SKP2: variants seen among roughly 807,000 people sequenced by gnomAD.
SKP2 encodes the protein S-phase kinase associated protein 2, also known as S-phase kinase-associated protein 2.
A neutral mutation model predicts 51.8 loss-of-function variants in SKP2; 16 were observed. The ratio of observed to expected loss-of-function variants is 0.31; its 90% CI spans 0.21 to 0.47. The LOEUF (loss-of-function observed/expected upper bound fraction) is 0.47. Ranked by LOEUF, SKP2 falls within the 20% of genes least tolerant of loss-of-function variation. The probability of loss-of-function intolerance (pLI) is 1.00; values close to 1 mark genes in which losing one functional copy is unlikely to be tolerated. For missense variants in SKP2, 377 were observed against 505.3 expected, an observed-to-expected ratio of 0.75 and a Z score of 2.43; for synonymous variants, 176 against 198.6, an observed-to-expected ratio of 0.89 and a Z score of 0.96.
intron 5 of SKP2, 93 bp downstream of exon 5, chr5:36,168,540 C>G (rs535600301): frequency 1.7e-6 from 2 of 1,197,008 alleles, no homozygotes; most frequent in Non-Finnish European, 1.2e-6. Flanking sequence ...CTAGCCATAT[C>G]CAGGTGGATA....
In SKP2 at chr5:36,166,749, A is replaced by C. The variant is rs16902765; in HGVS notation, c.536+87A>C. Reference sequence around the variant, plus strand: ...GCTTTTTTTTTTTTTTTCTTTCTTCAGCCTTAAAGCCTATGGTAGGTTATC... The same window carrying C: ...GCTTTTTTTTTTTTTTTCTTTCTTCCGCCTTAAAGCCTATGGTAGGTTATC... On this transcript the variant is annotated intron_variant, in intron 4 of 9. Coordinates refer to ENST00000274255, the MANE Select transcript of SKP2 (RefSeq NM_005983.4). 0.013 allele frequency: 14,910 copies of C among 1,151,474 alleles called. 1,442 individuals carry two copies. The African/African-American group carries it at 0.21, about 16-fold the overall frequency. The allele number at this position is 1,151,474 out of a possible 1,614,324, so 71.3% of individuals were successfully genotyped here. A position where few individuals can be genotyped will look rare whatever the true frequency, so the allele number is the denominator to read the frequency against.
At chr5:36,192,785 C>CA (rs1746065213) in intron 7 of SKP2, 1 of 152,184 alleles carries the variant, frequency 6.6e-6, no homozygotes, top group African/African-American at 2.4e-5. Context: ...TAATAATACA[C>CA]AGCAGTGGGG....
intron 2 of SKP2, among the ~76,000 whole-genome samples, chr5:36,156,329 T>C (rs988689035): frequency 1.4e-4 from 22 of 152,196 alleles, no homozygotes; most frequent in African/African-American, 5.3e-4. Context: ...AGGTGGCTAC[T>C]AGCTTTGCCA....
chr5:36,161,413 C>G (rs1388428232), intron 2 of SKP2, among the ~76,000 whole-genome samples: 1 of 151,888 alleles, frequency 6.6e-6, no homozygotes, highest in Non-Finnish European at 1.5e-5. Flanking sequence ...CACGGGAGGC[C>G]TTCTGTGGGA....
intron 2 of SKP2, among the ~76,000 whole-genome samples, chr5:36,160,827 C>T (rs768531331): frequency 4.6e-5 from 7 of 152,202 alleles, no homozygotes; most frequent in Non-Finnish European, 1.0e-4. Flanking sequence ...ACAGCTGCCA[C>T]GTCGAGGAGC....
chr5:36,158,743 A>C (rs1373939428), intron 2 of SKP2, among the ~76,000 whole-genome samples: 2 of 152,200 alleles, frequency 1.3e-5, no homozygotes. Flanking sequence ...CATGATTTGA[A>C]ATCAGACCTG....
In SKP2 at chr5:36,168,384, C is replaced by G; in HGVS notation, c.608C>G (p.Ser203Cys). 1 of 1,614,064 alleles carries G rather than the reference C, an allele frequency of 6.2e-7. No homozygotes were observed. Among genetic ancestry groups the G allele is most frequent in the Non-Finnish European group, 8.5e-7 (1 of 1,179,890 alleles). Residue 203 changes from serine to cysteine, a missense_variant, in exon 5 of 10, where the codon TCT becomes TGT. Ser to Cys is a moderately radical substitution (Grantham distance 112). This residue lies in a region of SKP2 where 262 missense variants were observed against 389.8 expected (regional missense o/e 0.67). Coordinates refer to ENST00000274255, the MANE Select transcript of SKP2 (RefSeq NM_005983.4). ...GTGTCCACCCTCCACGGCATACTGT[C>G]TCAGTGTTCCAAGTTGCAGAATCTA... ...IEVSTLHGIL[S>C]QCSKLQNLSL...
intron 9 of SKP2, among the ~76,000 whole-genome samples, chr5:36,179,161 G>A (rs1268832500): frequency 6.6e-6 from 1 of 152,134 alleles, no homozygotes; most frequent in Non-Finnish European, 1.5e-5. Context: ...TAGGTATTGT[G>A]TAAATAGTAC....
At chr5:36,166,449 G>A (rs1745291150) in intron 3 of SKP2, 70 bp from the exon 4 acceptor site, 9 of 1,356,376 alleles carry the variant, frequency 6.6e-6, no homozygotes, top group Non-Finnish European at 8.4e-6. Context: ...CTACCTGTTA[G>A]TAATGTTGTT....
chr5:36,160,630 C>G (rs1401130320), intron 2 of SKP2, among the ~76,000 whole-genome samples: 1 of 152,148 alleles, frequency 6.6e-6, no homozygotes, highest in Non-Finnish European at 1.5e-5. Context: ...CAATCAATTA[C>G]TAGATTCTGA....
chr5:36,156,006 A>G (rs1452098649), intron 2 of SKP2, among the ~76,000 whole-genome samples: 1 of 152,234 alleles, frequency 6.6e-6, no homozygotes, highest in African/African-American at 2.4e-5. Flanking sequence ...GATTCTGAGG[A>G]AAGAGAGGGC....
Position 36,183,315 on chromosome 5 carries a change from G to A in SKP2, c.*1284G>A, listed in dbSNP as rs563570748. ...GGAGTCTCGCTCTGTCACCAAGGCC[G>A]GAGTGCAGTGGTGCGATCTCGGCTC... On this transcript the variant is annotated 3_prime_UTR_variant, in exon 10 of 10. Coordinates refer to ENST00000274255, the MANE Select transcript of SKP2 (RefSeq NM_005983.4). 30 of 475,286 alleles carry A rather than the reference G, an allele frequency of 6.3e-5. No individual in the cohort carries two copies. The highest frequency in any genetic ancestry group is 5.4e-4 in the South Asian group (6 of 11,172). 29.4% of individuals were successfully genotyped at this position (475,286 alleles called of 1,614,324 possible).
In SKP2 at chr5:36,168,376, C is replaced by CATACTGT; in HGVS notation, c.601_607dup (p.Ser203TyrfsTer36). Reference sequence around the variant, plus strand: ...TTATAGAAGTGTCCACCCTCCACGGCATACTGTCTCAGTGTTCCAAGTTGC... The same window carrying CATACTGT: ...TTATAGAAGTGTCCACCCTCCACGGCATACTGTATACTGTCTCAGTGTTCCAAGTTGC... On this transcript the variant is annotated frameshift_variant, in exon 5 of 10. Transcript: ENST00000274255. LOFTEE classifies it high-confidence loss of function. 1 of 1,613,990 alleles carries CATACTGT rather than the reference C, an allele frequency of 6.2e-7. No individual in the cohort carries two copies. The highest frequency in any genetic ancestry group is 8.5e-7 in the Non-Finnish European group (1 of 1,179,830).
At chr5:36,163,517 G>A in intron 2 of SKP2, 128 bp from the exon 3 acceptor site, 1 of 627,000 alleles carries the variant, frequency 1.6e-6, no homozygotes, top group East Asian at 2.7e-5. Context: ...GTGAGGATGA[G>A]TAATTTAATT....
intron 2 of SKP2, among the ~76,000 whole-genome samples, chr5:36,161,111 G>T (rs1332335274): frequency 6.6e-6 from 1 of 151,968 alleles, no homozygotes. Flanking sequence ...ATAGGTTATT[G>T]AAGTTTCCTG....
intron 7 of SKP2, among the ~76,000 whole-genome samples, chr5:36,176,015 A>G (rs1745622102): frequency 3.9e-5 from 6 of 152,050 alleles, no homozygotes; most frequent in Admixed American, 3.9e-4. Flanking sequence ...CAAAAAACGC[A>G]GGGTTCAGGC....
At chr5:36,163,308 A>G (rs1745183008) in intron 2 of SKP2, among the ~76,000 whole-genome samples, 1 of 152,100 alleles carries the variant, frequency 6.6e-6, no homozygotes, top group Non-Finnish European at 1.5e-5. Flanking sequence ...TTCATGCCAC[A>G]GCCTCCGATT....
chr5:36,192,522 G>C (rs977939187), intron 6 of SKP2: 6 of 149,564 alleles, frequency 4.0e-5, no homozygotes, highest in Non-Finnish European at 7.4e-5. Context: ...TTCAACTCAA[G>C]TGGATATTTT....
chr5:36,174,471 A>T (rs1488923554), intron 7 of SKP2, among the ~76,000 whole-genome samples: 1 of 152,080 alleles, frequency 6.6e-6, no homozygotes, highest in Non-Finnish European at 1.5e-5. Context: ...TGGCTAGATG[A>T]TTGGTCCCTC....
Sources: allele counts gnomAD v4.1 joint callset (sites outside exome capture counted in the v4.1 genomes callset), GRCh38; gene constraint gnomAD v4.1.1; regional missense constraint gnomAD v4.1.1; transcripts MANE v1.5; gene names NCBI Gene and HGNC (gene_info 2026-07-23, HGNC 2026-07-21).